BIN1: variants seen among roughly 807,000 people sequenced by gnomAD.
The protein encoded by BIN1 is myc box-dependent-interacting protein 1.
Under a neutral mutation model 82.0 loss-of-function variants are expected in BIN1, and 53 were observed. That is an observed-to-expected ratio of 0.65 (90% confidence interval 0.52 to 0.81). The LOEUF (loss-of-function observed/expected upper bound fraction) is 0.81. BIN1 is among the 40% of genes least tolerant of loss of function. BIN1 has a pLI of 0.00. For missense variants in BIN1, 642 were observed against 784.4 expected, an observed-to-expected ratio of 0.82 and a Z score of 2.17; for synonymous variants, 302 against 328.0, an observed-to-expected ratio of 0.92 and a Z score of 0.86.
chr2:127,096,606 ATCT>A (rs1679634901), intron 1 of BIN1, among the ~76,000 whole-genome samples: 1 of 151,916 alleles, frequency 6.6e-6, no homozygotes, highest in Non-Finnish European at 1.5e-5. Flanking sequence ...CCCTTTGCCC[ATCT>A]GCCTGTGGTC....
At chr2:127,106,061 G>C (rs1471461357) in intron 1 of BIN1, among the ~76,000 whole-genome samples, 1 of 152,244 alleles carries the variant, frequency 6.6e-6, no homozygotes, top group Non-Finnish European at 1.5e-5. Flanking sequence ...CCCCATTCCA[G>C]CTCTCCGCGA....
At chr2:127,054,350 T>A in intron 12 of BIN1, 1 of 359,212 alleles carries the variant, frequency 2.8e-6, no homozygotes, top group Non-Finnish European at 5.3e-6. Flanking sequence ...CCAGCTCTCT[T>A]CCGCCACCAT....
At chr2:127,065,369 A>T (rs1373375969) in intron 7 of BIN1, among the ~76,000 whole-genome samples, 1 of 151,996 alleles carries the variant, frequency 6.6e-6, no homozygotes, top group African/African-American at 2.4e-5. Flanking sequence ...GACCCTGGGC[A>T]CCCCACACCA....
At position 127,053,982 on chromosome 2, in the gene BIN1, C is replaced by T. The variant is rs893152823; in HGVS notation, c.1162G>A (p.Ala388Thr). Residue 388 changes from alanine (A) to threonine (T), a missense_variant, in exon 13 of 19, where the codon GCC (alanine) becomes ACC (threonine). Ala to Thr is a moderately conservative substitution (Grantham distance 58). Transcript: ENST00000316724. ...FEAPGPFSEQ[A>T]SLLDLDFDPL... ...TCAAAGTCCAGGTCCAGCAGACTGG[C>T]CTGCTCCGAGAAAGGCCCCGGGGCC... is the stretch of plus-strand genomic sequence containing the variant. 1.3e-6 allele frequency: 2 copies of T among 1,551,314 alleles called. No individual in the cohort carries two copies. Among genetic ancestry groups the T allele is most frequent in the Non-Finnish European group, 8.7e-7 (1 of 1,146,980 alleles).
chr2:127,092,845 G>T (rs114630508), intron 1 of BIN1, among the ~76,000 whole-genome samples: 1 of 152,312 alleles, frequency 6.6e-6, no homozygotes, highest in Non-Finnish European at 1.5e-5. Context: ...AGAAGCCACA[G>T]CCCACGCCTG....
At chr2:127,088,522 G>C (rs765025183) in intron 1 of BIN1, among the ~76,000 whole-genome samples, 9 of 152,136 alleles carry the variant, frequency 5.9e-5, no homozygotes, top group African/African-American at 2.2e-4. Context: ...AATCACCTAA[G>C]GTCAGGAGTT....
chr2:127,078,799 G>A (rs1018054114), intron 1 of BIN1, among the ~76,000 whole-genome samples: 4 of 152,112 alleles, frequency 2.6e-5, no homozygotes, highest in East Asian at 3.9e-4. Flanking sequence ...TTCCTCACCC[G>A]GCTCTGCAAA....
intron 2 of BIN1, among the ~76,000 whole-genome samples, chr2:127,072,536 G>T (rs933335162): frequency 9.2e-5 from 14 of 152,034 alleles, no homozygotes; most frequent in African/African-American, 3.4e-4. Context: ...CTATTATGAT[G>T]AATGCTTCCG....
intron 1 of BIN1, among the ~76,000 whole-genome samples, chr2:127,091,614 C>T (rs542248778): frequency 1.2e-4 from 19 of 152,170 alleles, no homozygotes; most frequent in African/African-American, 4.3e-4. Flanking sequence ...GCTGACCGGG[C>T]GTGGTGGTTC....
Position 127,048,525 on chromosome 2 carries a change from G to A in BIN1, c.*1C>T, listed in dbSNP as rs770804438. The A allele has an allele frequency of 5.0e-5, 80 of 1,613,736 alleles. No individual in the cohort carries two copies. The Middle Eastern group carries it at 8.3e-4, about 17-fold the overall frequency. On this transcript the variant is annotated 3_prime_UTR_variant, in exon 19 of 19. Transcript: ENST00000316724. Reference sequence around the variant, plus strand: ...GCCCGGAGGCTGCCTGGGCCCCGCCGTCATGGGACCCTCTCAGTGAAGTTC... The same window carrying A: ...GCCCGGAGGCTGCCTGGGCCCCGCCATCATGGGACCCTCTCAGTGAAGTTC...
intron 12 of BIN1, 73 bp from the exon 13 acceptor site, chr2:127,054,085 C>T: frequency 7.6e-7 from 1 of 1,310,306 alleles, no homozygotes. Flanking sequence ...CAGGCAGACA[C>T]TGCAGGCACA....
intron 12 of BIN1, 96 bp from the exon 13 acceptor site, chr2:127,054,108 G>GAC: frequency 7.2e-6 from 7 of 974,568 alleles, no homozygotes; most frequent in Non-Finnish European, 1.1e-5. Flanking sequence ...CACACGCGTG[G>GAC]ACACACACAC....
chr2:127,071,398 A>C (rs1169161919), intron 2 of BIN1, among the ~76,000 whole-genome samples: 1 of 152,104 alleles, frequency 6.6e-6, no homozygotes, highest in Non-Finnish European at 1.5e-5. Context: ...TGCGGTGGTC[A>C]TGGCCAGGAT....
rs556381342 is a variant in BIN1, at chr2:127,057,505, C to T, written c.1099G>A (p.Val367Ile). 2.6e-6 allele frequency: 4 copies of T among 1,547,540 alleles called. No individual in the cohort carries two copies. Among genetic ancestry groups the T allele is most frequent in the African/African-American group, 1.4e-5 (1 of 72,974 alleles). ...GGGGTGGTCACGCTGATCTCAGGGA[C>T]AAACGTGTCCTCAAACAGGCTGAGG... is the stretch of plus-strand genomic sequence containing the variant. ...QILSLFEDTFVPEISVTTPSQ... is the reference protein window; with the variant it reads ...QILSLFEDTFIPEISVTTPSQ... Residue 367 changes from valine (V) to isoleucine (I), a missense_variant, in exon 12 of 19, where the codon GTC becomes ATC. Transcript: ENST00000316724. This position sits in a 1 kb window ranked among gnomAD's most constrained non-coding sequence, Gnocchi z 5.0.
chr2:127,052,872 G>A (rs567781619), intron 14 of BIN1: 11 of 245,496 alleles, frequency 4.5e-5, no homozygotes, highest in Non-Finnish European at 4.8e-5. Context: ...TGTGTCCTGA[G>A]CTATCAGGTG....
chr2:127,062,280 C>T, intron 9 of BIN1, 83 bp from the exon 10 acceptor site: 1 of 1,315,766 alleles, frequency 7.6e-7, no homozygotes, highest in Non-Finnish European at 1.1e-6. Context: ...TGCTTCTCCC[C>T]ACCACCCCCA....
chr2:127,078,836 C>T (rs996769321), intron 1 of BIN1, among the ~76,000 whole-genome samples: 1 of 152,058 alleles, frequency 6.6e-6, no homozygotes, highest in African/African-American at 2.4e-5. Context: ...CTCAGCCCCT[C>T]TGCTCAGGCA....
intron 1 of BIN1, among the ~76,000 whole-genome samples, chr2:127,087,080 G>A (rs1034328718): frequency 2.0e-5 from 3 of 152,198 alleles, no homozygotes; most frequent in Admixed American, 6.5e-5. Context: ...AGCAAAAAGT[G>A]GTGTTGGGTT....
chr2:127,049,941 C>T (rs1319576349), intron 18 of BIN1, among the ~76,000 whole-genome samples: 1 of 152,226 alleles, frequency 6.6e-6, no homozygotes, highest in Non-Finnish European at 1.5e-5. Context: ...CCTGCGTGCA[C>T]AGGGCAGGGC....
Sources: gnomAD v4.1 joint callset for allele counts (sites outside exome capture counted in the v4.1 genomes callset) on GRCh38, gnomAD v4.1.1 for gene constraint, Gnocchi (gnomAD v3.1) non-coding constraint, MANE v1.5 for transcripts, NCBI Gene and HGNC (gene_info 2026-07-23, HGNC 2026-07-21) for gene names.